The following KIF26B variants were observed in gnomAD, a reference collection of about 807,000 sequenced individuals.
KIF26B encodes kinesin family member 26B.
Under a neutral mutation model 151.2 loss-of-function variants are expected in KIF26B, and 63 were observed. The ratio of observed to expected loss-of-function variants is 0.42; its 90% CI spans 0.34 to 0.51. KIF26B has a LOEUF of 0.51. Ranked by LOEUF, KIF26B falls within the 20% of genes least tolerant of loss-of-function variation. The pLI is 0.07. For missense variants in KIF26B, 2,813 were observed against 2,913.6 expected, an observed-to-expected ratio of 0.97 and a Z score of 0.79; for synonymous variants, 1,357 against 1,262.1, an observed-to-expected ratio of 1.08 and a Z score of -1.59.
intron 3 of KIF26B, among the ~76,000 whole-genome samples, chr1:245,390,937 A>AC (rs1345289139): frequency 0.025 from 3,569 of 143,210 alleles, 204 homozygotes; most frequent in African/African-American, 0.037. Flanking sequence ...AAAAAAAAAA[A>AC]AAAAAAAAAA....
rs570848819 is a variant in KIF26B, at chr1:245,488,995, G to C, written c.1167-51772G>C. Among the ~76,000 whole-genome samples, 1 of 152,144 alleles carries C rather than the reference G, an allele frequency of 6.6e-6. No individual in the cohort carries two copies. The highest frequency in any genetic ancestry group is 1.5e-5 in the Non-Finnish European group (1 of 68,030). ...ACCCTCCATCTCAGAGAACTCTCTA[G>C]GCTCCGGTACTCTAGAATCCCTTAC... is the stretch of plus-strand genomic sequence containing the variant. On this transcript the variant is annotated intron_variant, in intron 4 of 14. Transcript: ENST00000407071. This position sits in a 1 kb window ranked among gnomAD's most constrained non-coding sequence, Gnocchi z 4.6.
intron 2 of KIF26B, among the ~76,000 whole-genome samples, chr1:245,283,257 C>G (rs888988022): frequency 6.6e-6 from 1 of 151,766 alleles, no homozygotes; most frequent in African/African-American, 2.4e-5. Context: ...AGCCCACCCA[C>G]CGCGAGCCCA....
chr1:245,228,022 G>GTTTGTTT (rs1669911994), intron 2 of KIF26B, among the ~76,000 whole-genome samples: 1 of 152,062 alleles, frequency 6.6e-6, no homozygotes, highest in Admixed American at 6.6e-5. Context: ...CAAACACACT[G>GTTTGTTT]TGGCTATATT....
chr1:245,276,907 G>A (rs1670948088), intron 2 of KIF26B, among the ~76,000 whole-genome samples: 1 of 152,148 alleles, frequency 6.6e-6, no homozygotes, highest in African/African-American at 2.4e-5. Flanking sequence ...TGTAATTAAG[G>A]TAAGGATCTT....
At chr1:245,475,461 A>G (rs1288039782) in intron 4 of KIF26B, among the ~76,000 whole-genome samples, 1 of 151,756 alleles carries the variant, frequency 6.6e-6, no homozygotes, top group Non-Finnish European at 1.5e-5. Context: ...TCAGAAGGTC[A>G]TTGGATAGGC....
intron 2 of KIF26B, among the ~76,000 whole-genome samples, chr1:245,206,230 G>A: frequency 6.6e-6 from 1 of 152,208 alleles, no homozygotes; most frequent in East Asian, 1.9e-4. Context: ...CTGGGAAAAT[G>A]TTTTGCTTGG....
chr1:245,587,773 C>T (rs2043243197), intron 5 of KIF26B, among the ~76,000 whole-genome samples: 1 of 152,032 alleles, frequency 6.6e-6, no homozygotes, highest in Non-Finnish European at 1.5e-5. Context: ...GGGGACTGTT[C>T]TACAGAGCCG....
Position 245,609,402 on chromosome 1 carries a change from C to T in KIF26B, c.1788C>T (p.Ser596=), listed in dbSNP as rs559667564. The part of the protein sequence containing the change: ...KTGARFSVRV[S]AVEVWGKEEN... ...GCGCCCGTTTCTCAGTCCGGGTTTCCGCCGTGGAAGTGTGGGGGAAGGAGG... is the reference window on the plus strand; with the variant it reads ...GCGCCCGTTTCTCAGTCCGGGTTTCTGCCGTGGAAGTGTGGGGGAAGGAGG... The change falls in exon 8 of 15, where the codon TCC becomes TCT. Residue 596 remains serine, a synonymous_variant. Transcript: ENST00000407071. 23 of 1,609,208 alleles carry T rather than the reference C, an allele frequency of 1.4e-5. No individual in the cohort carries two copies. Among genetic ancestry groups the T allele is most frequent in the East Asian group, 1.1e-4 (5 of 44,702 alleles).
chr1:245,400,014 T>G (rs1478185875), intron 3 of KIF26B, among the ~76,000 whole-genome samples: 1 of 152,206 alleles, frequency 6.6e-6, no homozygotes, highest in Admixed American at 6.5e-5. Context: ...TAGATATTTC[T>G]AGTATCTACG....
At chr1:245,594,254 C>G (rs2043318896) in intron 5 of KIF26B, among the ~76,000 whole-genome samples, 1 of 152,168 alleles carries the variant, frequency 6.6e-6, no homozygotes, top group South Asian at 2.1e-4. Context: ...TGCCTATGTC[C>G]TGAATGGTAT....
chr1:245,287,746 G>A (rs1671192102), intron 2 of KIF26B, among the ~76,000 whole-genome samples: 1 of 151,852 alleles, frequency 6.6e-6, no homozygotes, highest in African/African-American at 2.4e-5. Context: ...CAGGTGATCC[G>A]CCTGCCCTGA....
intron 2 of KIF26B, among the ~76,000 whole-genome samples, chr1:245,162,454 C>T (rs1368186041): frequency 7.5e-6 from 1 of 132,712 alleles, no homozygotes; most frequent in African/African-American, 2.9e-5. Flanking sequence ...GGCGTGATCT[C>T]GGCTCACTGC....
At chr1:245,248,874 G>T (rs951136356) in intron 2 of KIF26B, among the ~76,000 whole-genome samples, 2 of 152,224 alleles carry the variant, frequency 1.3e-5, no homozygotes, top group African/African-American at 2.4e-5. Context: ...CAGTCAGTGG[G>T]ATGTGAATAT....
Position 245,646,244 on chromosome 1 carries a change from T to A in KIF26B, c.2222T>A (p.Leu741Gln). ...CTGTCTGCTCTGGGCAATGTCATCC[T>A]GGCTCTCGTCAATGGCAGCAAACAC... The part of the protein sequence containing the change: ...LSLSALGNVI[L>Q]ALVNGSKHIP... The change falls in exon 10 of 15, where the codon CTG becomes CAG. Residue 741 changes from leucine to glutamine, a missense_variant. Leu to Gln is a moderately radical substitution (Grantham distance 113). Transcript: ENST00000407071. The A allele has an allele frequency of 1.9e-6, 3 of 1,613,992 alleles. No individual in the cohort carries two copies. Among genetic ancestry groups the A allele is most frequent in the East Asian group, 2.2e-5 (1 of 44,886 alleles).
At chr1:245,465,230 G>A (rs1398829344) in intron 4 of KIF26B, among the ~76,000 whole-genome samples, 1 of 152,086 alleles carries the variant, frequency 6.6e-6, no homozygotes, top group Non-Finnish European at 1.5e-5. Flanking sequence ...CGCCCGCCTC[G>A]GCCTCCCAAA....
In KIF26B at chr1:245,540,748, G is replaced by T; in HGVS notation, c.1167-19G>T. The stretch of plus-strand genomic sequence containing the variant: ...ATCGTACAATCATTTTCCCCTTATT[G>T]TTCCTTTTTCCACTCCAGAGCTGCC... On this transcript the variant is annotated intron_variant, in intron 4 of 14. Coordinates refer to ENST00000407071, the MANE Select transcript of KIF26B (RefSeq NM_018012.4). This position sits in a 1 kb window ranked among gnomAD's most constrained non-coding sequence, Gnocchi z 4.6. 1.2e-6 allele frequency: 2 copies of T among 1,607,940 alleles called. No individual in the cohort carries two copies. The highest frequency in any genetic ancestry group is 1.7e-4 in the Middle Eastern group (1 of 6,052).
In KIF26B at chr1:245,687,393, G is replaced by A. The variant is rs765305329; in HGVS notation, c.4410G>A (p.Ser1470=). Reference sequence around the variant, plus strand: ...GGTGTGAGACTGCCACGGGCCCCTCGAATGCTGAGACCAGAGCAGAGCAGG... The same window carrying A: ...GGTGTGAGACTGCCACGGGCCCCTCAAATGCTGAGACCAGAGCAGAGCAGG... ...MMRCETATGP[S]NAETRAEQEQ... Residue 1470 remains serine, a synonymous_variant, in exon 12 of 15, where the codon TCG becomes TCA. Coordinates refer to ENST00000407071, the MANE Select transcript of KIF26B (RefSeq NM_018012.4). The surrounding 1 kb of genome is among the most constrained non-coding windows in gnomAD (Gnocchi z 4.9). 2.5e-6 allele frequency: 4 copies of A among 1,588,124 alleles called. No individual in the cohort carries two copies. Among genetic ancestry groups the A allele is most frequent in the East Asian group, 2.3e-5 (1 of 43,568 alleles).
chr1:245,173,277 T>C (rs1381723497), intron 2 of KIF26B, among the ~76,000 whole-genome samples: 3 of 152,162 alleles, frequency 2.0e-5, no homozygotes, highest in African/African-American at 4.8e-5. Flanking sequence ...TGGAAGGTGG[T>C]GGTGGTTGCA....
chr1:245,358,687 C>T lies in KIF26B; in HGVS notation c.466-8147C>T, dbSNP rs1672751938. Among the ~76,000 whole-genome samples the T allele has an allele frequency of 6.6e-6, 1 of 152,144 alleles. No individual in the cohort carries two copies. The highest frequency in any genetic ancestry group is 1.5e-5 in the Non-Finnish European group (1 of 68,030). Reference sequence around the variant, plus strand: ...AACTACTTGCAGATTGAAAATAATTCCATTTGCTGCCTGCTGGCACATTAA... The same window carrying T: ...AACTACTTGCAGATTGAAAATAATTTCATTTGCTGCCTGCTGGCACATTAA... On this transcript the variant is annotated intron_variant, in intron 2 of 14. Transcript: ENST00000407071. The surrounding 1 kb of genome is among the most constrained non-coding windows in gnomAD (Gnocchi z 4.1).
Sources: allele counts gnomAD v4.1 joint callset (sites outside exome capture counted in the v4.1 genomes callset), GRCh38; gene constraint gnomAD v4.1.1; non-coding constraint Gnocchi (gnomAD v3.1); transcripts MANE v1.5; gene names NCBI Gene and HGNC (gene_info 2026-07-23, HGNC 2026-07-21).